Variants in PREP observed in about 807,000 individuals in gnomAD.
The protein encoded by PREP is dJ355L5.1 (prolyl endopeptidase).
Under a neutral mutation model 87.6 loss-of-function variants are expected in PREP, and 29 were observed. That is an observed-to-expected ratio of 0.33 (90% CI 0.25 to 0.45). PREP has a LOEUF of 0.45. Ranked by LOEUF, PREP falls within the 20% of genes least tolerant of loss-of-function variation. PREP has a pLI of 1.00. For synonymous variants in PREP, 337 were observed against 328.6 expected (o/e 1.03, Z -0.28); for missense variants, 695 against 886.5 (o/e 0.78, Z 2.74).
rs1259201953 is a variant in PREP at position 105,277,110 on chromosome 6, A to C, written c.*1034T>G. The stretch of plus-strand genomic sequence containing the variant: ...GCCTTGAAAAAAATTTTATGGATGA[A>C]AGTTTAAGGAATAGTATATCTTAAA... On this transcript the variant is annotated 3_prime_UTR_variant, in exon 15 of 15. Transcript: ENST00000652536. Among the ~76,000 whole-genome samples, 1 of 151,954 alleles carries C rather than the reference A, an allele frequency of 6.6e-6. No individual in the cohort carries two copies. Among genetic ancestry groups the C allele is most frequent in the East Asian group, 1.9e-4 (1 of 5,188 alleles).
Position 105,277,557 on chromosome 6 carries a change from A to AGAC in PREP, c.*584_*586dup, listed in dbSNP as rs1769971363. 1 of 153,206 alleles carries AGAC rather than the reference A, an allele frequency of 6.5e-6. No individual in the cohort carries two copies. The highest frequency in any genetic ancestry group is 1.5e-5 in the Non-Finnish European group (1 of 68,790). The allele number at this position is 153,206 out of a possible 1,614,324, so 9.5% of individuals were successfully genotyped here. On this transcript the variant is annotated 3_prime_UTR_variant, in exon 15 of 15. Coordinates refer to ENST00000652536, the MANE Select transcript of PREP (RefSeq NM_002726.5). ...CCTCTAACAAACAAACAAACAAGGG[A>AGAC]GACAGAGTGGATGAACAACTTATTT... is the stretch of plus-strand genomic sequence containing the variant.
intron 1 of PREP, among the ~76,000 whole-genome samples, chr6:105,401,113 A>G (rs564177142): frequency 6.6e-6 from 1 of 152,352 alleles, no homozygotes; most frequent in African/African-American, 2.4e-5. Context: ...TAAAATCCAC[A>G]GTATACCCTT....
intron 10 of PREP, among the ~76,000 whole-genome samples, chr6:105,305,062 G>C (rs982145445): frequency 6.6e-6 from 1 of 152,200 alleles, no homozygotes; most frequent in Non-Finnish European, 1.5e-5. Flanking sequence ...ACAAGGATAT[G>C]TGAAATCCAT....
chr6:105,329,724 T>A (rs1428612032), intron 8 of PREP, among the ~76,000 whole-genome samples: 1 of 152,226 alleles, frequency 6.6e-6, no homozygotes, highest in Admixed American at 6.5e-5. Context: ...TCCACCAGAT[T>A]CCCTGCAAAG....
intron 6 of PREP, among the ~76,000 whole-genome samples, chr6:105,361,850 T>A (rs909197819): frequency 1.3e-5 from 2 of 152,072 alleles, no homozygotes; most frequent in Non-Finnish European, 2.9e-5. Context: ...GGATTTGTAA[T>A]AAAAATAAGG....
rs1173919281 is a variant in PREP, at chr6:105,277,066, A to G, written c.*1078T>C. 6.6e-6 allele frequency among the ~76,000 whole-genome samples: 1 copy of G among 152,174 alleles called. No individual in the cohort carries two copies. The highest frequency in any genetic ancestry group is 2.4e-5 in the African/African-American group (1 of 41,456). On this transcript the variant is annotated 3_prime_UTR_variant, in exon 15 of 15. Coordinates refer to ENST00000652536, the MANE Select transcript of PREP (RefSeq NM_002726.5). ...CTGATACTCAAAGGAACATTGTTTCATGAAATGTTAAAATATATGCCTTGA... is the reference window on the plus strand; with the variant it reads ...CTGATACTCAAAGGAACATTGTTTCGTGAAATGTTAAAATATATGCCTTGA...
At chr6:105,342,914 A>G (rs1026197339) in intron 7 of PREP, among the ~76,000 whole-genome samples, 2 of 143,594 alleles carry the variant, frequency 1.4e-5, no homozygotes, top group Non-Finnish European at 1.5e-5. Flanking sequence ...ATGCTCATGG[A>G]TAGGAAGAAT....
rs10586996 is a variant in PREP, at chr6:105,295,157, C to CTTTTTTT, written c.1318-6270_1318-6264dup. ...TTCAAGAGTAGTTTCCAATGTTTTCCTTTTTTTTTTTTTTTTATTTCTGAC... is the reference window on the plus strand; with the variant it reads ...TTCAAGAGTAGTTTCCAATGTTTTCCTTTTTTTTTTTTTTTTTTTTTTTATTTCTGAC... On this transcript the variant is annotated intron_variant, in intron 10 of 14. Transcript: ENST00000652536. 2.3e-4 allele frequency among the ~76,000 whole-genome samples: 30 copies of CTTTTTTT among 132,626 alleles called. 3 individuals are homozygous for CTTTTTTT. The East Asian group carries it at 4.8e-3, about 21-fold the overall frequency. The allele number at this position is 132,626 out of a possible 152,430, so 87.0% of individuals were successfully genotyped here. A position where few individuals can be genotyped will look rare whatever the true frequency, so the allele number is the denominator to read the frequency against.
intron 2 of PREP, among the ~76,000 whole-genome samples, chr6:105,379,260 T>C (rs1209139120): frequency 6.6e-6 from 1 of 152,186 alleles, no homozygotes; most frequent in Non-Finnish European, 1.5e-5. Flanking sequence ...TTCAAAGAGC[T>C]AGAGGGGAAA....
intron 8 of PREP, among the ~76,000 whole-genome samples, chr6:105,330,636 T>C (rs888990611): frequency 1.3e-5 from 2 of 151,088 alleles, no homozygotes; most frequent in Admixed American, 6.5e-5. Flanking sequence ...ACAGGTCACA[T>C]GTGCTGAACA....
Position 105,373,546 on chromosome 6 carries a change from C to G in PREP, c.418G>C (p.Ala140Pro). 1 of 1,614,158 alleles carries G rather than the reference C, an allele frequency of 6.2e-7. No homozygotes were observed. The part of the protein sequence containing the change: ...YAFSEDGEYF[A>P]YGLSASGSDW... ...GAGCCACTGGCACTCAGACCATAGGCAAAATATTCACCATCTTCGCTGAAC... is the reference window on the plus strand; with the variant it reads ...GAGCCACTGGCACTCAGACCATAGGGAAAATATTCACCATCTTCGCTGAAC... The change falls in exon 5 of 15, where the codon GCC (alanine) becomes CCC (proline). Residue 140 changes from alanine (A) to proline (P), a missense_variant. By Grantham distance (27) the Ala-to-Pro change is conservative. This residue lies in a region of PREP where 517 missense variants were observed against 620.3 expected (regional missense o/e 0.83). Coordinates refer to ENST00000652536, the MANE Select transcript of PREP (RefSeq NM_002726.5).
intron 6 of PREP, among the ~76,000 whole-genome samples, chr6:105,367,231 T>C (rs1265244599): frequency 6.6e-6 from 1 of 152,230 alleles, no homozygotes; most frequent in Non-Finnish European, 1.5e-5. Flanking sequence ...GTACATTATT[T>C]CATATCTATG....
At chr6:105,396,134 C>T (rs1174258191) in intron 2 of PREP, among the ~76,000 whole-genome samples, 1 of 152,228 alleles carries the variant, frequency 6.6e-6, no homozygotes, top group Non-Finnish European at 1.5e-5. Context: ...TACTATAACC[C>T]AGTGCTTCTG....
chr6:105,330,677 G>T (rs997487292), intron 8 of PREP, among the ~76,000 whole-genome samples: 1 of 152,060 alleles, frequency 6.6e-6, no homozygotes, highest in Non-Finnish European at 1.5e-5. Flanking sequence ...CATGTGGAAG[G>T]GGGGGGTTCT....
intron 2 of PREP, among the ~76,000 whole-genome samples, chr6:105,382,401 C>A (rs1367623656): frequency 6.6e-6 from 1 of 151,866 alleles, no homozygotes; most frequent in East Asian, 1.9e-4. Flanking sequence ...GTGCTACACA[C>A]CTAAATATAT....
intron 10 of PREP, among the ~76,000 whole-genome samples, chr6:105,310,091 A>C (rs187811199): frequency 2.1e-4 from 32 of 152,338 alleles, no homozygotes; most frequent in African/African-American, 7.7e-4. Flanking sequence ...AAGTTATTCT[A>C]AAGGAAGAAA....
chr6:105,336,270 A>G (rs1302082889), intron 7 of PREP, among the ~76,000 whole-genome samples: 3 of 152,220 alleles, frequency 2.0e-5, no homozygotes, highest in African/African-American at 7.2e-5. Context: ...AAGAAAATAT[A>G]CATAAAATAA....
chr6:105,336,385 A>G (rs1056501922), intron 7 of PREP, among the ~76,000 whole-genome samples: 5 of 152,232 alleles, frequency 3.3e-5, no homozygotes, highest in Admixed American at 2.0e-4. Context: ...CAAATCTTCT[A>G]TATATTTACT....
intron 10 of PREP, among the ~76,000 whole-genome samples, chr6:105,318,504 C>A (rs552552161): frequency 1.3e-5 from 2 of 152,142 alleles, no homozygotes; most frequent in Non-Finnish European, 2.9e-5. Flanking sequence ...TCCAGAGTCA[C>A]ACAGCTGGTA....
Sources: allele counts gnomAD v4.1 joint callset (sites outside exome capture counted in the v4.1 genomes callset), GRCh38; gene constraint gnomAD v4.1.1; regional missense constraint gnomAD v4.1.1; transcripts MANE v1.5; gene names NCBI Gene and HGNC (gene_info 2026-07-23, HGNC 2026-07-21).